Variants in ADAMTS17 observed in about 807,000 individuals in gnomAD.
ADAMTS17 encodes ADAM metallopeptidase with thrombospondin type 1 motif 17.
Under a neutral mutation model 141.5 loss-of-function variants are expected in ADAMTS17, and 113 were observed. That is an observed-to-expected ratio of 0.80 (90% CI 0.69 to 0.93). The LOEUF is 0.93. ADAMTS17 is among the 40% of genes least tolerant of loss of function. The pLI, the probability that ADAMTS17 is intolerant of heterozygous loss-of-function variation, is 0.00. For missense variants in ADAMTS17, 1,659 were observed against 1,517.9 expected, an observed-to-expected ratio of 1.09 and a Z score of -1.54; for synonymous variants, 768 against 630.6, an observed-to-expected ratio of 1.22 and a Z score of -3.27.
chr15:100,085,187 G>A (rs1017960354), intron 15 of ADAMTS17, among the ~76,000 whole-genome samples: 7 of 152,138 alleles, frequency 4.6e-5, no homozygotes, highest in South Asian at 2.1e-4. Flanking sequence ...CAGGAACTAC[G>A]TGACAAATGC....
intron 4 of ADAMTS17, among the ~76,000 whole-genome samples, chr15:100,265,438 A>T (rs1403391209): frequency 1.3e-5 from 2 of 152,216 alleles, no homozygotes; most frequent in Non-Finnish European, 2.9e-5. Context: ...TCCGGCGTCC[A>T]GCTCTGGCGG....
chr15:100,299,750 C>G (rs964268634), intron 3 of ADAMTS17, among the ~76,000 whole-genome samples: 1 of 152,140 alleles, frequency 6.6e-6, no homozygotes, highest in East Asian at 1.9e-4. Flanking sequence ...ATTCCTCCAC[C>G]TATGCAAAGG....
chr15:100,325,702 T>C (rs1409677074), intron 3 of ADAMTS17, among the ~76,000 whole-genome samples: 1 of 152,152 alleles, frequency 6.6e-6, no homozygotes, highest in African/African-American at 2.4e-5. Context: ...TCTCTCCCCA[T>C]GTGACACGCT....
chr15:100,300,754 T>A (rs912296756), intron 3 of ADAMTS17, among the ~76,000 whole-genome samples: 1 of 152,190 alleles, frequency 6.6e-6, no homozygotes, highest in Non-Finnish European at 1.5e-5. Context: ...AGTTCCAGCA[T>A]CTCATCTCTT....
chr15:100,010,209 A>G (rs2141397871), intron 18 of ADAMTS17, among the ~76,000 whole-genome samples: 1 of 152,298 alleles, frequency 6.6e-6, no homozygotes, highest in South Asian at 2.1e-4. Context: ...TCTTTCCTTT[A>G]TAAATTGCCC....
At chr15:100,246,151 G>A (rs189276931) in intron 7 of ADAMTS17, among the ~76,000 whole-genome samples, 153 of 152,140 alleles carry the variant, frequency 1.0e-3, no homozygotes, top group Non-Finnish European at 1.8e-3. Context: ...AATACTCTAC[G>A]GATGCTTAAA....
chr15:100,279,067 C>T (rs7494886), intron 4 of ADAMTS17, among the ~76,000 whole-genome samples: 117,312 of 151,926 alleles, frequency 0.77, 45,871 homozygotes, highest in East Asian at 0.95. Context: ...CCAGTGGGAA[C>T]GGTGCATTGG....
At chr15:100,065,227 C>A (rs1567114190) in intron 15 of ADAMTS17, among the ~76,000 whole-genome samples, 1 of 152,102 alleles carries the variant, frequency 6.6e-6, no homozygotes, top group South Asian at 2.1e-4. Flanking sequence ...CCTCTTAATG[C>A]ATATAAACAT....
chr15:100,108,862 G>A (rs1163204884), intron 14 of ADAMTS17, 127 bp downstream of exon 14: 6 of 1,524,214 alleles, frequency 3.9e-6, no homozygotes, highest in Non-Finnish European at 5.4e-6. Flanking sequence ...CGGCATCACT[G>A]GGTGCCTTCC....
At chr15:100,035,738 A>G (rs1384014984) in intron 18 of ADAMTS17, among the ~76,000 whole-genome samples, 1 of 152,026 alleles carries the variant, frequency 6.6e-6, no homozygotes, top group East Asian at 1.9e-4. Flanking sequence ...ACCCTTTTTC[A>G]TCTTGTCCAG....
In ADAMTS17 at chr15:99,974,565, AAGGGGATAGG is replaced by A; in HGVS notation, c.3128-13_3128-4del. On this transcript the variant is annotated splice_region_variant and splice_polypyrimidine_tract_variant and intron_variant, in intron 21 of 21. Transcript: ENST00000268070. Reference sequence around the variant, plus strand: ...TGTGCATTTGTAGGTCAGAGCAGCTAAGGGGATAGGAGAGAGAATACCCAGGGTCAGGGAT... The same window carrying A: ...TGTGCATTTGTAGGTCAGAGCAGCTAAGAGAGAATACCCAGGGTCAGGGAT... 6.2e-7 allele frequency: 1 copy of A among 1,614,198 alleles called. No individual in the cohort carries two copies.
At chr15:100,113,226 T>C (rs147144217) in intron 13 of ADAMTS17, among the ~76,000 whole-genome samples, 2 of 152,338 alleles carry the variant, frequency 1.3e-5, no homozygotes, top group East Asian at 3.9e-4. Flanking sequence ...AGAGAGGTCA[T>C]GTCTGCTCGT....
Position 100,261,572 on chromosome 15 carries a change from T to A in ADAMTS17, c.938A>T (p.Glu313Val), listed in dbSNP as rs781175879. Reference protein sequence around the residue: ...SLESFCHWQNEEYGGARYLGN... With the variant: ...SLESFCHWQNVEYGGARYLGN... Reference sequence around the variant, plus strand: ...GAGGTATCGCGCTCCTCCATACTCCTCGTTCTGCCAGTGACAGAAGCTCTC... The same window carrying A: ...GAGGTATCGCGCTCCTCCATACTCCACGTTCTGCCAGTGACAGAAGCTCTC... Residue 313 changes from glutamate to valine, a missense_variant, in exon 6 of 22, where the codon GAG becomes GTG. By Grantham distance (121) the Glu-to-Val change is moderately radical (BLOSUM62 -2). Coordinates refer to ENST00000268070, the MANE Select transcript of ADAMTS17 (RefSeq NM_139057.4). The A allele has an allele frequency of 1.7e-5, 27 of 1,614,134 alleles. No individual in the cohort carries two copies. In the South Asian group the frequency reaches 2.7e-4, roughly 16 times the overall value.
chr15:100,065,429 TATA>T (rs2033448948), intron 15 of ADAMTS17, among the ~76,000 whole-genome samples: 4 of 152,252 alleles, frequency 2.6e-5, no homozygotes, highest in Admixed American at 2.6e-4. Context: ...ATTTTTAAAC[TATA>T]ATAATTTCTA....
chr15:100,099,422 C>G (rs1374151037), intron 14 of ADAMTS17, among the ~76,000 whole-genome samples: 1 of 152,200 alleles, frequency 6.6e-6, no homozygotes, highest in Non-Finnish European at 1.5e-5. Flanking sequence ...CCATAGGACA[C>G]AACTGAAGTC....
rs142301315 is a variant in ADAMTS17, at chr15:100,081,253, A to C, written c.2137+15103T>G. 7.3e-3 allele frequency among the ~76,000 whole-genome samples: 1,111 copies of C among 152,282 alleles called. 12 individuals carry two copies. Among genetic ancestry groups the C allele is most frequent in the African/African-American group, 0.026 (1,063 of 41,548 alleles). On this transcript the variant is annotated intron_variant, in intron 15 of 21. Coordinates refer to ENST00000268070, the MANE Select transcript of ADAMTS17 (RefSeq NM_139057.4). ...TGGAACATCAGACCCCAAGTTCTTC[A>C]GTTTTGGGACTGGGACTGGCTCTCC... is the stretch of plus-strand genomic sequence containing the variant.
At chr15:100,096,533 A>T in intron 14 of ADAMTS17, 57 bp from the exon 15 acceptor site, 1 of 1,612,672 alleles carries the variant, frequency 6.2e-7, no homozygotes, top group African/African-American at 1.3e-5. Context: ...AGTTTTAAAG[A>T]GGCTGCCCTG....
intron 18 of ADAMTS17, among the ~76,000 whole-genome samples, chr15:99,998,113 G>A (rs761763709): frequency 6.6e-6 from 1 of 152,150 alleles, no homozygotes; most frequent in Non-Finnish European, 1.5e-5. Context: ...TGTTGCTGCG[G>A]CAATAGGGGA....
rs542554002 is a variant in ADAMTS17, at chr15:100,181,603, T to C, written c.1181+17715A>G. On this transcript the variant is annotated intron_variant, in intron 8 of 21. Coordinates refer to ENST00000268070, the MANE Select transcript of ADAMTS17 (RefSeq NM_139057.4). ...CTTCTGGCTAAGTGTGTGTCTAGAA[T>C]TGTCATCTGGGAGATATGGCCTAGA... Among the ~76,000 whole-genome samples, 3 of 152,332 alleles carry C rather than the reference T, an allele frequency of 2.0e-5. No individual in the cohort carries two copies. The South Asian group carries it at 6.2e-4, about 32-fold the overall frequency.
Sources: allele counts gnomAD v4.1 joint callset (sites outside exome capture counted in the v4.1 genomes callset), GRCh38; gene constraint gnomAD v4.1.1; transcripts MANE v1.5; gene names NCBI Gene and HGNC (gene_info 2026-07-23, HGNC 2026-07-21).